The following GEN1 variants were observed in gnomAD, a reference collection of about 807,000 sequenced individuals.
GEN1 encodes the protein flap endonuclease GEN homolog 1.
GEN1 carries 64 observed loss-of-function variants against 67.6 expected under a neutral mutation model. The observed-to-expected ratio is 0.95, with a 90% CI of 0.77 to 1.17. The LOEUF (loss-of-function observed/expected upper bound fraction) is 1.17, where lower values mean the gene tolerates loss of function less well. GEN1 is among the 50% of genes most tolerant of loss of function. GEN1 has a pLI of 0.00. For synonymous variants in GEN1, 371 were observed against 359.4 expected (o/e 1.03, Z -0.37); for missense variants, 1,058 against 1,048.3 (o/e 1.01, Z -0.13).
At chr2:17,757,206 A>G (rs1201140741) in intron 1 of GEN1, among the ~76,000 whole-genome samples, 4 of 149,368 alleles carry the variant, frequency 2.7e-5, no homozygotes, top group Non-Finnish European at 5.9e-5. Flanking sequence ...AGCCCTCTTT[A>G]TCTTGCTTAG....
At chr2:17,765,957 A>G (rs909914796) in intron 4 of GEN1, among the ~76,000 whole-genome samples, 1 of 151,508 alleles carries the variant, frequency 6.6e-6, no homozygotes, top group African/African-American at 2.4e-5. Context: ...TAATATATAT[A>G]TATATATATG....
At chr2:17,754,936 A>ATT (rs1558391639) in intron 1 of GEN1, 1 of 152,144 alleles carries the variant, frequency 6.6e-6, no homozygotes, top group African/African-American at 2.4e-5. Flanking sequence ...CCTTCCCATG[A>ATT]ATATGCTGAC....
chr2:17,764,365 A>T (rs1431427341), intron 3 of GEN1, among the ~76,000 whole-genome samples: 2 of 152,242 alleles, frequency 1.3e-5, no homozygotes, highest in Non-Finnish European at 2.9e-5. Context: ...AGTCTTCTAG[A>T]TGTAAATCTT....
At chr2:17,779,031 T>C (rs1572421277) in intron 12 of GEN1, among the ~76,000 whole-genome samples, 1 of 152,218 alleles carries the variant, frequency 6.6e-6, no homozygotes, top group Non-Finnish European at 1.5e-5. Context: ...CAAGTGATTC[T>C]CCTGCCTCAG....
At chr2:17,769,457 A>C (rs1374445475) in intron 6 of GEN1, among the ~76,000 whole-genome samples, 1 of 152,164 alleles carries the variant, frequency 6.6e-6, no homozygotes, top group African/African-American at 2.4e-5. Flanking sequence ...ATGTATGACC[A>C]TGGGCATTTT....
At chr2:17,772,809 T>G (rs1187282655) in intron 8 of GEN1, 25 bp downstream of exon 8, 1 of 1,578,778 alleles carries the variant, frequency 6.3e-7, no homozygotes, top group East Asian at 2.3e-5. Flanking sequence ...AAACTCATGA[T>G]TTTTCCTGGC....
In GEN1 at chr2:17,781,692, A is replaced by G; in HGVS notation, c.2480A>G (p.His827Arg). The G allele has an allele frequency of 1.2e-6, 2 of 1,613,936 alleles. No homozygotes were observed. Among genetic ancestry groups the G allele is most frequent in the Non-Finnish European group, 1.7e-6 (2 of 1,179,894 alleles). The part of the protein sequence containing the change: ...TQRMKHSSQK[H>R]NSSHFKESGH... ...AGAATGAAGCACAGTTCTCAAAAGC[A>G]TAATTCATCCCATTTCAAAGAAAGT... Residue 827 changes from histidine to arginine, a missense_variant, in exon 14 of 14, where the codon CAT (histidine) becomes CGT (arginine). His to Arg is a conservative substitution (Grantham distance 29, BLOSUM62 0). Coordinates refer to ENST00000381254, the MANE Select transcript of GEN1 (RefSeq NM_001130009.3).
In GEN1 at chr2:17,781,111, C is replaced by T; in HGVS notation, c.1899C>T (p.Ser633=). The T allele has an allele frequency of 6.2e-7, 1 of 1,613,678 alleles. No individual in the cohort carries two copies. The highest frequency in any genetic ancestry group is 8.5e-7 in the Non-Finnish European group (1 of 1,179,676). The change falls in exon 14 of 14, where the codon TCC becomes TCT. Residue 633 remains serine, a synonymous_variant. Coordinates refer to ENST00000381254, the MANE Select transcript of GEN1 (RefSeq NM_001130009.3). ...DGFENIPEQL[S]CESERYTANI... is the part of the protein sequence containing the mutation. ...TTGAAAATATCCCAGAACAACTGTC[C>T]TGTGAATCAGAAAGGTACACTGCAA...
chr2:17,780,729 A>G lies in GEN1; in HGVS notation c.1517A>G (p.Lys506Arg), dbSNP rs754880982. 5.0e-6 allele frequency: 8 copies of G among 1,613,888 alleles called. No homozygotes were observed. The African/African-American group carries it at 8.0e-5, about 16-fold the overall frequency. ...TCEIFHKQNS[K>R]LNSGISPDPT... ...GAAATCTTTCATAAGCAGAATTCCA[A>G]GTTAAATTCGGGGATTTCCCCTGAT... The change falls in exon 14 of 14, where the codon AAG becomes AGG. Residue 506 changes from lysine to arginine, a missense_variant. Lys to Arg is a conservative substitution (Grantham distance 26, BLOSUM62 2). Transcript: ENST00000381254.
rs761499605 is a variant in GEN1 at position 17,781,827 on chromosome 2, A to C, written c.2615A>C (p.Lys872Thr). 4.3e-6 allele frequency: 7 copies of C among 1,612,758 alleles called. No individual in the cohort carries two copies. The Admixed American group carries it at 1.2e-4, about 27-fold the overall frequency. Residue 872 changes from lysine to threonine, a missense_variant, in exon 14 of 14, where the codon AAA becomes ACA. Transcript: ENST00000381254. Reference protein sequence around the residue: ...NEESCFPDSTKSSLSSLQCHK... With the variant: ...NEESCFPDSTTSSLSSLQCHK... Reference sequence around the variant, plus strand: ...GAAAGCTGTTTCCCAGATTCAACAAAAAGTTCTCTGAGTTCTCTACAATGT... The same window carrying C: ...GAAAGCTGTTTCCCAGATTCAACAACAAGTTCTCTGAGTTCTCTACAATGT...
chr2:17,768,812 G>A lies in GEN1; in HGVS notation c.710+1G>A, dbSNP rs772067759. ...TGAAAGGGCAAAGTTTACTTCAGAG[G>A]TAACTAATAATTACTTTCTCTTGTG... On this transcript the variant is annotated splice_donor_variant, in intron 6 of 13. Coordinates refer to ENST00000381254, the MANE Select transcript of GEN1 (RefSeq NM_001130009.3). LOFTEE classifies it high-confidence loss of function. 2 of 1,566,700 alleles carry A rather than the reference G, an allele frequency of 1.3e-6. No individual in the cohort carries two copies. The highest frequency in any genetic ancestry group is 1.8e-6 in the Non-Finnish European group (2 of 1,138,322).
chr2:17,770,433 C>A (rs1362594864), intron 6 of GEN1, among the ~76,000 whole-genome samples: 5 of 151,934 alleles, frequency 3.3e-5, no homozygotes, highest in Non-Finnish European at 7.4e-5. Context: ...TCTTAAGTAC[C>A]AGATACTGCA....
chr2:17,759,025 A>G lies in GEN1; in HGVS notation c.-15-904A>G, dbSNP rs140678628. The stretch of plus-strand genomic sequence containing the variant: ...TTAGAACGAACTCTGTTAAAGGTAC[A>G]GACAATACAGTACTTTTTATTCAGA... On this transcript the variant is annotated intron_variant, in intron 1 of 13. Transcript: ENST00000381254. Among the ~76,000 whole-genome samples the G allele has an allele frequency of 8.5e-4, 130 of 152,342 alleles. No individual in the cohort carries two copies. The Middle Eastern group carries it at 0.01, about 12-fold the overall frequency.
At position 17,781,873 on chromosome 2, in the gene GEN1, TG is replaced by T. The variant is rs751276752; in HGVS notation, c.2663del (p.Gly888ValfsTer14). 3.8e-6 allele frequency: 6 copies of T among 1,597,600 alleles called. No homozygotes were observed. The South Asian group carries it at 6.9e-5, about 18-fold the overall frequency. Reference protein sequence around the residue: ...LQCHKKENNSGTCLDSPLPLR... With the variant: ...LQCHKKENNSXTCLDSPLPLR... ...AATGTCATAAGAAAGAAAACAACTC[TG>T]GTACTTGTTTGGATAGCCCTCTTCC... On this transcript the variant is annotated frameshift_variant, in exon 14 of 14. Transcript: ENST00000381254. LOFTEE classifies it high-confidence loss of function.
chr2:17,778,269 CATAT>C lies in GEN1; in HGVS notation c.1264+209_1264+212del, dbSNP rs1558409005. On this transcript the variant is annotated intron_variant, in intron 12 of 13. Transcript: ENST00000381254. ...ATATGTATACACACATATGTGTGTA[CATAT>C]ATGTATATACACACACATGTGTGTG... 7.6e-5 allele frequency among the ~76,000 whole-genome samples: 7 copies of C among 91,692 alleles called. 2 individuals carry two copies. Among genetic ancestry groups the C allele is most frequent in the African/African-American group, 2.5e-4 (7 of 27,780 alleles). The allele number at this position is 91,692 out of a possible 152,430, so 60.2% of individuals were successfully genotyped here. A position where few individuals can be genotyped will look rare whatever the true frequency, so the allele number is the denominator to read the frequency against.
rs763909733 is a variant in GEN1 at position 17,781,591 on chromosome 2, G to GAA, written c.2380_2381insAA (p.Ser794LysfsTer28). 1 of 1,613,974 alleles carries GAA rather than the reference G, an allele frequency of 6.2e-7. No individual in the cohort carries two copies. The highest frequency in any genetic ancestry group is 1.7e-5 in the Admixed American group (1 of 60,018). The stretch of plus-strand genomic sequence containing the variant: ...CCACTCGGAAAATTTTAATGAAGAA[G>GAA]AGTGTTTGCCTTGACAGACATTCCT... On this transcript the variant is annotated frameshift_variant, in exon 14 of 14. Transcript: ENST00000381254. LOFTEE classifies it low-confidence loss of function (END_TRUNC).
At chr2:17,768,692 C>A in intron 5 of GEN1, 46 bp from the exon 6 acceptor site, 2 of 1,331,316 alleles carry the variant, frequency 1.5e-6, no homozygotes, top group Non-Finnish European at 2.2e-6. Flanking sequence ...TTTAACCATT[C>A]CTAGTGATTA....
rs969180869 is a variant in GEN1, at chr2:17,775,412, G to A, written c.1202+1011G>A. ...AGTAGTTTTGGATTAGTTCCTAGAA[G>A]CTAATAAAAGAAAAGGTTGAAAAGT... is the stretch of plus-strand genomic sequence containing the variant. On this transcript the variant is annotated intron_variant, in intron 11 of 13. Coordinates refer to ENST00000381254, the MANE Select transcript of GEN1 (RefSeq NM_001130009.3). Among the ~76,000 whole-genome samples the A allele has an allele frequency of 2.0e-5, 3 of 152,148 alleles. No individual in the cohort carries two copies. In the South Asian group the frequency reaches 6.2e-4, roughly 31 times the overall value.
chr2:17,779,340 C>A (rs2125172625), intron 12 of GEN1, among the ~76,000 whole-genome samples: 1 of 152,334 alleles, frequency 6.6e-6, no homozygotes, highest in East Asian at 1.9e-4. Flanking sequence ...GGAATTTTAA[C>A]ACTTAACTGA....
Sources: allele counts gnomAD v4.1 joint callset (sites outside exome capture counted in the v4.1 genomes callset), GRCh38; gene constraint gnomAD v4.1.1; transcripts MANE v1.5; gene names NCBI Gene and HGNC (gene_info 2026-07-23, HGNC 2026-07-21).